Variants in LRRTM4 observed in about 807,000 individuals in gnomAD.
LRRTM4 encodes leucine-rich repeat transmembrane neuronal protein 4.
LRRTM4 carries 25 observed loss-of-function variants against 47.6 expected under a neutral mutation model. The observed-to-expected ratio is 0.53, with a 90% confidence interval of 0.38 to 0.73. The LOEUF (loss-of-function observed/expected upper bound fraction) is 0.73, where lower values mean the gene tolerates loss of function less well. LRRTM4 is among the 30% of genes least tolerant of loss of function. The pLI is 0.00. For synonymous variants in LRRTM4, 311 were observed against 269.5 expected, an observed-to-expected ratio of 1.15 and a Z score of -1.51; for missense variants, 638 against 713.4, an observed-to-expected ratio of 0.89 and a Z score of 1.20.
At position 77,179,162 on chromosome 2, in the gene LRRTM4, T is replaced by A. The variant is rs1018067377; in HGVS notation, c.1551+339156A>T. On this transcript the variant is annotated intron_variant, in intron 3 of 3. Coordinates refer to ENST00000409884, the MANE Select transcript of LRRTM4 (RefSeq NM_001134745.3). Reference sequence around the variant, plus strand: ...AGAAGTGCTACAGGAAATCTATGGATGCCCCAGTCAATAAGTGGTAAAGAA... The same window carrying A: ...AGAAGTGCTACAGGAAATCTATGGAAGCCCCAGTCAATAAGTGGTAAAGAA... Among the ~76,000 whole-genome samples, 34 of 152,130 alleles carry A rather than the reference T, an allele frequency of 2.2e-4. 1 individual carries two copies. The highest frequency in any genetic ancestry group is 1.7e-3 in the Admixed American group (26 of 15,258).
At chr2:76,962,788 C>T (rs1675903572) in intron 3 of LRRTM4, among the ~76,000 whole-genome samples, 1 of 150,360 alleles carries the variant, frequency 6.7e-6, no homozygotes, top group African/African-American at 2.4e-5. Flanking sequence ...TTACAGCTTA[C>T]CTCATTCAAC....
At chr2:77,152,629 CT>C (rs1672460460) in intron 3 of LRRTM4, among the ~76,000 whole-genome samples, 1 of 152,024 alleles carries the variant, frequency 6.6e-6, no homozygotes, top group African/African-American at 2.4e-5. Flanking sequence ...CGCCCGGCCA[CT>C]TTTTTGTATC....
At chr2:77,163,567 A>T (rs1360271842) in intron 3 of LRRTM4, among the ~76,000 whole-genome samples, 1 of 152,234 alleles carries the variant, frequency 6.6e-6, no homozygotes, top group African/African-American at 2.4e-5. Flanking sequence ...TGTTAAGGGC[A>T]GCCAGAGAAA....
At chr2:76,901,564 G>C (rs1475285024) in intron 3 of LRRTM4, among the ~76,000 whole-genome samples, 1 of 151,888 alleles carries the variant, frequency 6.6e-6, no homozygotes, top group Non-Finnish European at 1.5e-5. Flanking sequence ...AAACCTCTTA[G>C]TACTTTTAAG....
chr2:76,863,072 A>G (rs1210854909), intron 3 of LRRTM4, among the ~76,000 whole-genome samples: 1 of 152,192 alleles, frequency 6.6e-6, no homozygotes, highest in Non-Finnish European at 1.5e-5. Context: ...CACGTCTGAC[A>G]TTGAAGACAT....
intron 3 of LRRTM4, among the ~76,000 whole-genome samples, chr2:77,312,938 C>T (rs1193072988): frequency 4.6e-5 from 7 of 152,090 alleles, no homozygotes; most frequent in Non-Finnish European, 5.9e-5. Flanking sequence ...AGGGAAAACA[C>T]TTGAGAAAGA....
chr2:77,290,097 G>A (rs1284970765), intron 3 of LRRTM4, among the ~76,000 whole-genome samples: 1 of 151,822 alleles, frequency 6.6e-6, no homozygotes, highest in Non-Finnish European at 1.5e-5. Context: ...ATATAAAATT[G>A]AAGGAGAGTT....
At chr2:77,362,778 A>G (rs183227389) in intron 3 of LRRTM4, among the ~76,000 whole-genome samples, 79 of 152,232 alleles carry the variant, frequency 5.2e-4, no homozygotes, top group African/African-American at 1.8e-3. Flanking sequence ...CAAATAACTG[A>G]GTCCTTTTTT....
intron 3 of LRRTM4, among the ~76,000 whole-genome samples, chr2:76,977,725 TATAATGGTTATCA>T (rs1676466224): frequency 6.6e-6 from 1 of 152,032 alleles, no homozygotes; most frequent in African/African-American, 2.4e-5. Context: ...TTCTCTTTGT[TATAATGGTTATCA>T]ACTGATGATT....
chr2:77,444,667 A>G (rs1002369560), intron 3 of LRRTM4, among the ~76,000 whole-genome samples: 1 of 152,072 alleles, frequency 6.6e-6, no homozygotes, highest in Admixed American at 6.6e-5. Flanking sequence ...AAAATCTTTT[A>G]ATATTGATTT....
intron 3 of LRRTM4, among the ~76,000 whole-genome samples, chr2:77,512,502 C>T (rs776060657): frequency 3.9e-5 from 6 of 152,072 alleles, no homozygotes; most frequent in Non-Finnish European, 8.8e-5. Context: ...TCACTTCATG[C>T]TTTTCACTGA....
Position 77,288,886 on chromosome 2 carries a change from A to G in LRRTM4, c.1551+229432T>C, listed in dbSNP as rs375460222. 7.2e-5 allele frequency among the ~76,000 whole-genome samples: 11 copies of G among 152,186 alleles called. 2 individuals carry two copies. Among genetic ancestry groups the G allele is most frequent in the Admixed American group, 5.9e-4 (9 of 15,252 alleles). Reference sequence around the variant, plus strand: ...AATTGGGATGGAGCCACAGAAATAAAGTTACAACGCTATTACCACATTACT... The same window carrying G: ...AATTGGGATGGAGCCACAGAAATAAGGTTACAACGCTATTACCACATTACT... On this transcript the variant is annotated intron_variant, in intron 3 of 3. Transcript: ENST00000409884.
intron 3 of LRRTM4, among the ~76,000 whole-genome samples, chr2:77,063,209 C>T (rs1253756023): frequency 6.6e-6 from 1 of 152,132 alleles, no homozygotes; most frequent in African/African-American, 2.4e-5. Context: ...CCGCCCACCT[C>T]GGCCTCCCCA....
intron 3 of LRRTM4, among the ~76,000 whole-genome samples, chr2:77,010,318 T>A (rs1406771319): frequency 4.0e-5 from 6 of 149,802 alleles, no homozygotes; most frequent in African/African-American, 1.5e-4. Flanking sequence ...TAATGACTAC[T>A]ATTTTACTTT....
chr2:77,221,714 G>T (rs1480798836), intron 3 of LRRTM4, among the ~76,000 whole-genome samples: 1 of 151,706 alleles, frequency 6.6e-6, no homozygotes, highest in African/African-American at 2.4e-5. Flanking sequence ...AGCAAGTCCT[G>T]AGTGACCTAC....
chr2:76,798,192 A>T (rs1675457757), intron 3 of LRRTM4, among the ~76,000 whole-genome samples: 1 of 152,116 alleles, frequency 6.6e-6, no homozygotes. Flanking sequence ...TTGACCACAT[A>T]CTTGGAAGTA....
intron 3 of LRRTM4, among the ~76,000 whole-genome samples, chr2:77,350,044 C>T (rs974959677): frequency 2.0e-5 from 3 of 151,970 alleles, no homozygotes; most frequent in East Asian, 1.9e-4. Context: ...AAATGCTGGC[C>T]GGGCGCGGTG....
At chr2:77,037,512 T>TA (rs1163361643) in intron 3 of LRRTM4, among the ~76,000 whole-genome samples, 9 of 151,682 alleles carry the variant, frequency 5.9e-5, no homozygotes, top group South Asian at 2.1e-4. Context: ...CTTGCAAACA[T>TA]AAAAAAATGC....
At chr2:77,388,382 G>A (rs920961797) in intron 3 of LRRTM4, among the ~76,000 whole-genome samples, 20 of 152,120 alleles carry the variant, frequency 1.3e-4, no homozygotes, top group African/African-American at 4.8e-4. Context: ...AACTGTGACA[G>A]CAATACAGAA....
Sources: gnomAD v4.1 joint callset for allele counts (sites outside exome capture counted in the v4.1 genomes callset) on GRCh38, gnomAD v4.1.1 for gene constraint, MANE v1.5 for transcripts, NCBI Gene and HGNC (gene_info 2026-07-23, HGNC 2026-07-21) for gene names.